The following RGS18 variants were observed in gnomAD, a reference collection of about 807,000 sequenced individuals.
RGS18 encodes the protein regulator of G-protein signaling 18.
Under a neutral mutation model 27.6 loss-of-function variants are expected in RGS18, and 22 were observed. The observed-to-expected ratio is 0.80, with a 90% confidence interval of 0.57 to 1.14. The LOEUF (loss-of-function observed/expected upper bound fraction) is 1.14, where lower values mean the gene tolerates loss of function less well. Ranked by LOEUF, RGS18 falls within the 50% of genes most tolerant of loss-of-function variation. The pLI, the probability that RGS18 is intolerant of heterozygous loss-of-function variation, is 0.00. For missense variants in RGS18, 299 were observed against 269.6 expected (o/e 1.11, Z -0.76); for synonymous variants, 89 against 84.6 (o/e 1.05, Z -0.29).
At chr1:192,175,560 G>A (rs995627681) in intron 3 of RGS18, among the ~76,000 whole-genome samples, 1 of 151,834 alleles carries the variant, frequency 6.6e-6, no homozygotes, top group East Asian at 1.9e-4. Flanking sequence ...CCAGAAACAC[G>A]AACTTTCTTT....
At chr1:192,172,379 C>A (rs993780880) in intron 3 of RGS18, among the ~76,000 whole-genome samples, 6 of 152,114 alleles carry the variant, frequency 3.9e-5, no homozygotes, top group Admixed American at 3.9e-4. Flanking sequence ...TGATCCCTCT[C>A]TGCACATGCC....
At chr1:192,167,215 ATTAC>A (rs1292852745) in intron 3 of RGS18, among the ~76,000 whole-genome samples, 1 of 152,142 alleles carries the variant, frequency 6.6e-6, no homozygotes, top group Non-Finnish European at 1.5e-5. Flanking sequence ...GAAAATACTT[ATTAC>A]TAAGTTTGAG....
intron 3 of RGS18, among the ~76,000 whole-genome samples, chr1:192,161,076 T>G (rs1330980666): frequency 6.6e-6 from 1 of 152,196 alleles, no homozygotes; most frequent in Non-Finnish European, 1.5e-5. Flanking sequence ...GGTCTCAATC[T>G]GCTGACCTGG....
intron 3 of RGS18, among the ~76,000 whole-genome samples, chr1:192,164,863 G>A (rs539548276): frequency 6.6e-6 from 1 of 152,162 alleles, no homozygotes; most frequent in Non-Finnish European, 1.5e-5. Flanking sequence ...GTTGCCTCAG[G>A]ACCCTGTGAT....
chr1:192,158,866 AT>A (rs1471517419), intron 1 of RGS18, 110 bp downstream of exon 1: 6 of 779,972 alleles, frequency 7.7e-6, no homozygotes. Flanking sequence ...TATTGTTTGT[AT>A]TGCTATAATT....
chr1:192,179,468 A>G (rs1406444491), intron 3 of RGS18, among the ~76,000 whole-genome samples: 1 of 151,680 alleles, frequency 6.6e-6, no homozygotes, highest in Non-Finnish European at 1.5e-5. Context: ...CCAGATAAAT[A>G]AAGACTTGTG....
Position 192,181,386 on chromosome 1 carries a change from G to C in RGS18, c.378G>C (p.Lys126Asn), listed in dbSNP as rs1272853432. ...CCTGTGAAGATTTCAAGAAAAGCAAGGGACCTCAACAAATTCACCTTAAAG... is the reference window on the plus strand; with the variant it reads ...CCTGTGAAGATTTCAAGAAAAGCAACGGACCTCAACAAATTCACCTTAAAG... ...WIACEDFKKS[K>N]GPQQIHLKAK... Residue 126 changes from lysine (K) to asparagine (N), a missense_variant, in exon 4 of 5, where the codon AAG (lysine) becomes AAC (asparagine). By Grantham distance (94) the Lys-to-Asn change is moderately conservative. Coordinates refer to ENST00000367460, the MANE Select transcript of RGS18 (RefSeq NM_130782.3). The C allele has an allele frequency of 1.9e-6, 3 of 1,593,396 alleles. No homozygotes were observed. The highest frequency in any genetic ancestry group is 2.6e-6 in the Non-Finnish European group (3 of 1,170,782).
intron 3 of RGS18, chr1:192,167,907 G>T (rs1325697467): frequency 6.6e-6 from 1 of 152,112 alleles, no homozygotes; most frequent in East Asian, 1.9e-4. Context: ...TATGGTACTT[G>T]GGTTTCCAAC....
chr1:192,172,883 A>AT (rs55911826), intron 3 of RGS18, among the ~76,000 whole-genome samples: 22,079 of 141,186 alleles, frequency 0.16, 2,133 homozygotes, highest in Middle Eastern at 0.31. Flanking sequence ...ATATATATAT[A>AT]AATATATATA....
chr1:192,180,886 C>G (rs1656440963), intron 3 of RGS18, among the ~76,000 whole-genome samples: 1 of 151,604 alleles, frequency 6.6e-6, no homozygotes, highest in African/African-American at 2.4e-5. Context: ...AAGGGAACCT[C>G]AAGATCCTGA....
chr1:192,177,843 T>C (rs1328045042), intron 3 of RGS18, among the ~76,000 whole-genome samples: 2 of 151,702 alleles, frequency 1.3e-5, no homozygotes, highest in Non-Finnish European at 3.0e-5. Context: ...TAAATCAGTG[T>C]AAAAACATAG....
chr1:192,177,189 AC>A (rs1656372814), intron 3 of RGS18, among the ~76,000 whole-genome samples: 1 of 151,824 alleles, frequency 6.6e-6, no homozygotes, highest in Non-Finnish European at 1.5e-5. Context: ...CTAAGAATTA[AC>A]TTTTTAAATA....
chr1:192,166,955 T>G (rs557211459), intron 3 of RGS18, among the ~76,000 whole-genome samples: 2 of 152,320 alleles, frequency 1.3e-5, no homozygotes, highest in South Asian at 2.1e-4. Flanking sequence ...TGAGGGGAAT[T>G]TCTATCAATT....
At position 192,159,267 on chromosome 1, in the gene RGS18, A is replaced by C; in HGVS notation, c.167A>C (p.Glu56Ala). The change falls in exon 2 of 5, where the codon GAG becomes GCG. Residue 56 changes from glutamate to alanine, a missense_variant. Glu to Ala is a moderately radical substitution (Grantham distance 107, BLOSUM62 -1). Transcript: ENST00000367460. ...NRLSLLVQKPEFHEDTRSSRS... is the reference protein window; with the variant it reads ...NRLSLLVQKPAFHEDTRSSRS... The stretch of plus-strand genomic sequence containing the variant: ...CTAAGTCTTCTTGTGCAGAAACCTG[A>C]GTTTCATGAAGACACCCGCTCCAGT... The C allele has an allele frequency of 1.2e-6, 2 of 1,613,820 alleles. No homozygotes were observed. Among genetic ancestry groups the C allele is most frequent in the Non-Finnish European group, 1.7e-6 (2 of 1,179,726 alleles).
rs180933020 is a variant in RGS18, at chr1:192,179,130, C to A, written c.284-2162C>A. On this transcript the variant is annotated intron_variant, in intron 3 of 4. Coordinates refer to ENST00000367460, the MANE Select transcript of RGS18 (RefSeq NM_130782.3). ...CACACAGTATGAACTAGGAGATATG[C>A]CATCCTACAATCCTATGTGGAAGAG... Among the ~76,000 whole-genome samples the A allele has an allele frequency of 4.3e-4, 65 of 151,476 alleles. 1 individual carries two copies. Among genetic ancestry groups the A allele is most frequent in the African/African-American group, 1.1e-3 (46 of 41,398 alleles).
Position 192,185,787 on chromosome 1 carries a change from T to C in RGS18, c.*1233T>C, listed in dbSNP as rs1186872797. 2 of 151,614 alleles carry C rather than the reference T, an allele frequency of 1.3e-5. No homozygotes were observed. The highest frequency in any genetic ancestry group is 3.0e-5 in the Non-Finnish European group (2 of 67,706). The allele number at this position is 151,614 out of a possible 1,614,324, so 9.4% of individuals were successfully genotyped here. ...TTTTAACTTCATTCATACAGTTAAG[T>C]TTATCTGACAATAAAAGCTCTGACT... On this transcript the variant is annotated 3_prime_UTR_variant, in exon 5 of 5. Coordinates refer to ENST00000367460, the MANE Select transcript of RGS18 (RefSeq NM_130782.3).
rs768744391 is a variant in RGS18 at position 192,159,264 on chromosome 1, C to A, written c.164C>A (p.Pro55His). Residue 55 changes from proline (P) to histidine (H), a missense_variant, in exon 2 of 5, where the codon CCT becomes CAT. Transcript: ENST00000367460. ...RNRLSLLVQKPEFHEDTRSSR... is the reference protein window; with the variant it reads ...RNRLSLLVQKHEFHEDTRSSR... ...AGACTAAGTCTTCTTGTGCAGAAAC[C>A]TGAGTTTCATGAAGACACCCGCTCC... 1 of 1,613,746 alleles carries A rather than the reference C, an allele frequency of 6.2e-7. No homozygotes were observed. Among genetic ancestry groups the A allele is most frequent in the South Asian group, 1.1e-5 (1 of 91,058 alleles).
intron 3 of RGS18, among the ~76,000 whole-genome samples, chr1:192,166,085 A>C (rs1471011787): frequency 1.3e-5 from 2 of 152,218 alleles, no homozygotes; most frequent in Non-Finnish European, 2.9e-5. Flanking sequence ...TTATAAAATC[A>C]GTTGATGCCA....
intron 3 of RGS18, among the ~76,000 whole-genome samples, chr1:192,162,196 T>G (rs1471898500): frequency 1.3e-5 from 2 of 152,358 alleles, no homozygotes; most frequent in African/African-American, 4.8e-5. Flanking sequence ...TTAAACAGCC[T>G]TCCTCAACTA....
Sources: gnomAD v4.1 joint callset for allele counts (sites outside exome capture counted in the v4.1 genomes callset) on GRCh38, gnomAD v4.1.1 for gene constraint, MANE v1.5 for transcripts, NCBI Gene and HGNC (gene_info 2026-07-23, HGNC 2026-07-21) for gene names.